The following ANGEL1 variants were observed in gnomAD, a reference collection of about 807,000 sequenced individuals.
The protein encoded by ANGEL1 is RNA 2',3'-cyclic phosphatase ANGEL1.
Under a neutral mutation model 76.4 loss-of-function variants are expected in ANGEL1, and 62 were observed. The observed-to-expected ratio is 0.81, with a 90% CI of 0.66 to 1.00. ANGEL1 has a LOEUF of 1.00. Among genes scored for constraint, ANGEL1 ranks in the 50% least tolerant of loss-of-function variants. The pLI is 0.00. For synonymous variants in ANGEL1, 340 were observed against 331.7 expected (o/e 1.03, Z -0.27); for missense variants, 737 against 836.7 (o/e 0.88, Z 1.47).
Position 76,806,762 on chromosome 14 carries a change from C to A in ANGEL1, c.1034G>T (p.Cys345Phe), listed in dbSNP as rs372906936. ...CYKPTRFRLL[C>F]ASPVEYFRPG... is the part of the protein sequence containing the mutation. ...CCGGAAGTACTCCACAGGGCTAGCA[C>A]AGAGCAGGCGGAATCTGGTAGGCTT... Residue 345 changes from cysteine to phenylalanine, a missense_variant, in exon 5 of 10, where the codon TGT becomes TTT. Transcript: ENST00000251089. 1.2e-6 allele frequency: 2 copies of A among 1,614,088 alleles called. No individual in the cohort carries two copies. The highest frequency in any genetic ancestry group is 2.7e-5 in the African/African-American group (2 of 74,940).
chr14:76,808,231 T>C (rs1894979215), intron 2 of ANGEL1, 83 bp from the exon 3 acceptor site: 11 of 1,203,460 alleles, frequency 9.1e-6, no homozygotes, highest in African/African-American at 1.5e-5. Context: ...CTCAGTAATA[T>C]TATGCCTGAA....
At chr14:76,812,051 G>A (rs1431707944) in intron 1 of ANGEL1, among the ~76,000 whole-genome samples, 1 of 152,100 alleles carries the variant, frequency 6.6e-6, no homozygotes, top group Admixed American at 6.5e-5. Flanking sequence ...AAAACCCTCC[G>A]TAATTTCAAA....
In ANGEL1 at chr14:76,806,764, G is replaced by A. The variant is rs768146827; in HGVS notation, c.1032C>T (p.Leu344=). 6.2e-7 allele frequency: 1 copy of A among 1,614,212 alleles called. No individual in the cohort carries two copies. The highest frequency in any genetic ancestry group is 8.5e-7 in the Non-Finnish European group (1 of 1,180,052). ...GGAAGTACTCCACAGGGCTAGCACAGAGCAGGCGGAATCTGGTAGGCTTGT... is the reference window on the plus strand; with the variant it reads ...GGAAGTACTCCACAGGGCTAGCACAAAGCAGGCGGAATCTGGTAGGCTTGT... ...VCYKPTRFRL[L]CASPVEYFRP... The change falls in exon 5 of 10, where the codon CTC becomes CTT. Residue 344 remains leucine, a synonymous_variant. Coordinates refer to ENST00000251089, the MANE Select transcript of ANGEL1 (RefSeq NM_015305.4).
At chr14:76,805,587 C>T (rs1479273112) in intron 5 of ANGEL1, among the ~76,000 whole-genome samples, 1 of 152,092 alleles carries the variant, frequency 6.6e-6, no homozygotes, top group African/African-American at 2.4e-5. Flanking sequence ...GAAATCAGCA[C>T]AAGCTGATAA....
At chr14:76,803,287 G>T in intron 7 of ANGEL1, 84 bp downstream of exon 7, 1 of 1,116,456 alleles carries the variant, frequency 9.0e-7, no homozygotes, top group South Asian at 1.4e-5. Flanking sequence ...ATTATACTTA[G>T]AAAAGAGCAG....
At chr14:76,794,670 CAA>C (rs71122578) in intron 7 of ANGEL1, among the ~76,000 whole-genome samples, 14 of 97,174 alleles carry the variant, frequency 1.4e-4, no homozygotes, top group Non-Finnish European at 1.5e-4. Flanking sequence ...GACTCCATCT[CAA>C]AAAAAAAAAA....
intron 4 of ANGEL1, 90 bp from the exon 5 acceptor site, chr14:76,806,939 C>G: frequency 7.3e-7 from 1 of 1,372,802 alleles, no homozygotes; most frequent in Non-Finnish European, 1.0e-6. Flanking sequence ...GTGTATGCCC[C>G]TGAGGCATTG....
chr14:76,804,563 G>C (rs1894860409), intron 5 of ANGEL1: 2 of 552,062 alleles, frequency 3.6e-6, no homozygotes, highest in South Asian at 7.9e-5. Context: ...GCTGGGGATA[G>C]AGCAGCAATA....
intron 1 of ANGEL1, among the ~76,000 whole-genome samples, 181 bp from the exon 2 acceptor site, chr14:76,809,824 A>G (rs565062164): frequency 1.2e-4 from 18 of 152,338 alleles, no homozygotes; most frequent in Admixed American, 2.6e-4. Context: ...CAAAGTATTC[A>G]CTATGTGCCA....
intron 8 of ANGEL1, 92 bp downstream of exon 8, chr14:76,791,202 TCCC>T: frequency 1.5e-6 from 2 of 1,327,486 alleles, no homozygotes; most frequent in Non-Finnish European, 1.1e-6. Flanking sequence ...CAAAAAGTGC[TCCC>T]CCAAGTCAAC....
intron 5 of ANGEL1, 85 bp from the exon 6 acceptor site, chr14:76,803,997 T>C (rs775883158): frequency 1.2e-6 from 2 of 1,612,746 alleles, no homozygotes; most frequent in Non-Finnish European, 1.7e-6. Context: ...TGTGGACAAA[T>C]ACAAACACAT....
chr14:76,801,447 G>C (rs1189249998), intron 7 of ANGEL1, among the ~76,000 whole-genome samples: 1 of 152,076 alleles, frequency 6.6e-6, no homozygotes, highest in African/African-American at 2.4e-5. Context: ...ATGTCTTCTC[G>C]ATCTGAAAAT....
intron 7 of ANGEL1, among the ~76,000 whole-genome samples, chr14:76,798,789 A>C (rs578260754): frequency 2.0e-5 from 3 of 151,954 alleles, no homozygotes; most frequent in Non-Finnish European, 4.4e-5. Flanking sequence ...TTCTACTAAA[A>C]ATACAAAAAC....
rs375875718 is a variant in ANGEL1, at chr14:76,806,788, G to C, written c.1008C>G (p.Tyr336Ter). 6.2e-7 allele frequency: 1 copy of C among 1,614,086 alleles called. No individual in the cohort carries two copies. The highest frequency in any genetic ancestry group is 1.3e-5 in the African/African-American group (1 of 74,940). The change falls in exon 5 of 10, where the codon TAC (tyrosine) becomes TAG (stop). Residue 336 changes from tyrosine (Y) to a stop codon, truncating the protein, a stop_gained. Coordinates refer to ENST00000251089, the MANE Select transcript of ANGEL1 (RefSeq NM_015305.4). LOFTEE classifies it high-confidence loss of function. ...GCKTDGCAVC[Y>*]KPTRFRLLCA... is the part of the protein sequence containing the mutation. Reference sequence around the variant, plus strand: ...AGAGCAGGCGGAATCTGGTAGGCTTGTAGCAGACAGCACAGCCATCGGTTT... The same window carrying C: ...AGAGCAGGCGGAATCTGGTAGGCTTCTAGCAGACAGCACAGCCATCGGTTT...
intron 7 of ANGEL1, among the ~76,000 whole-genome samples, chr14:76,792,356 A>G (rs1005395120): frequency 2.6e-5 from 4 of 152,158 alleles, no homozygotes; most frequent in Non-Finnish European, 5.9e-5. Flanking sequence ...ATCCTTCACA[A>G]ACACTTCCAA....
Position 76,786,167 on chromosome 14 carries a change from C to CT in ANGEL1, c.*3060dup, listed in dbSNP as rs1555360433. ...AGTTTTCTTTCTTTTCTTTTCTTTT[C>CT]TTTTTTTTTTTTTGAGATGGAGTTT... On this transcript the variant is annotated 3_prime_UTR_variant, in exon 10 of 10. Transcript: ENST00000251089. 0.012 allele frequency: 1,381 copies of CT among 114,928 alleles called. 15 individuals are homozygous for CT. The highest frequency in any genetic ancestry group is 0.028 in the African/African-American group (783 of 28,398). The allele number at this position is 114,928 out of a possible 1,614,324, so 7.1% of individuals were successfully genotyped here.
intron 1 of ANGEL1, 23 bp from the exon 2 acceptor site, chr14:76,809,666 A>T: frequency 6.3e-7 from 1 of 1,591,504 alleles, no homozygotes; most frequent in African/African-American, 1.3e-5. Flanking sequence ...CCAAAATACC[A>T]GGTTATAAGA....
intron 4 of ANGEL1, 113 bp from the exon 5 acceptor site, chr14:76,806,962 A>G: frequency 8.4e-7 from 1 of 1,193,754 alleles, no homozygotes; most frequent in Non-Finnish European, 1.2e-6. Flanking sequence ...CCTGCTACTC[A>G]GTAAAGGAGC....
At chr14:76,793,445 AG>A (rs1332023383) in intron 7 of ANGEL1, among the ~76,000 whole-genome samples, 26 of 46,536 alleles carry the variant, frequency 5.6e-4, no homozygotes, top group Non-Finnish European at 9.9e-4. Flanking sequence ...GGAGGAGGGG[AG>A]GAGAAGGAAG....
Sources: allele counts gnomAD v4.1 joint callset (sites outside exome capture counted in the v4.1 genomes callset), GRCh38; gene constraint gnomAD v4.1.1; transcripts MANE v1.5; gene names NCBI Gene and HGNC (gene_info 2026-07-23, HGNC 2026-07-21).